B4GALNT3: variants seen among roughly 807,000 people sequenced by gnomAD.
B4GALNT3 encodes the protein beta-1,4-N-acetyl-galactosaminyltransferase 3.
B4GALNT3 carries 86 observed loss-of-function variants against 120.2 expected under a neutral mutation model. The ratio of observed to expected loss-of-function variants is 0.72; its 90% confidence interval spans 0.60 to 0.86. The LOEUF (loss-of-function observed/expected upper bound fraction) is 0.86. B4GALNT3 is among the 40% of genes least tolerant of loss of function. The pLI is 0.00. For synonymous variants in B4GALNT3, 518 were observed against 510.4 expected, an observed-to-expected ratio of 1.01 and a Z score of -0.20; for missense variants, 1,167 against 1,298.9, an observed-to-expected ratio of 0.90 and a Z score of 1.56.
intron 1 of B4GALNT3, among the ~76,000 whole-genome samples, chr12:510,604 G>A (rs1471114647): frequency 6.7e-6 from 1 of 149,926 alleles, no homozygotes; most frequent in African/African-American, 2.5e-5. Flanking sequence ...ATAAGTAAAC[G>A]GTCTGGGTAC....
At chr12:519,081 T>C (rs952145959) in intron 1 of B4GALNT3, among the ~76,000 whole-genome samples, 3 of 152,218 alleles carry the variant, frequency 2.0e-5, no homozygotes, top group Admixed American at 6.5e-5. Flanking sequence ...AAAATAAATG[T>C]CAGACTGTGC....
chr12:469,824 A>T (rs1271480058), intron 1 of B4GALNT3, among the ~76,000 whole-genome samples: 2 of 152,012 alleles, frequency 1.3e-5, no homozygotes, highest in African/African-American at 2.4e-5. Flanking sequence ...TTTTTAAAAA[A>T]TTTTGTTTTT....
intron 1 of B4GALNT3, among the ~76,000 whole-genome samples, chr12:525,054 G>A (rs892087245): frequency 4.0e-5 from 6 of 151,784 alleles, no homozygotes; most frequent in Non-Finnish European, 7.4e-5. Context: ...TGTAGTCAGC[G>A]TACAAGTCTA....
chr12:553,838 A>C lies in B4GALNT3; in HGVS notation c.1915A>C (p.Ser639Arg). The change falls in exon 14 of 20, where the codon AGT becomes CGT. Residue 639 changes from serine (S) to arginine (R), a missense_variant. Ser to Arg is a moderately radical substitution (Grantham distance 110). This residue lies in a region of B4GALNT3 where 983 missense variants were observed against 1,102.5 expected (regional missense o/e 0.89). Transcript: ENST00000266383. ...GGTAGTAAACTGGGACCAGACCTTC[A>C]GTGCCCGGAATCTCGACTTCCAAGC... The part of the protein sequence containing the change: ...DPVVNWDQTF[S>R]ARNLDFQALR... The C allele has an allele frequency of 6.2e-7, 1 of 1,614,246 alleles. No individual in the cohort carries two copies. Among genetic ancestry groups the C allele is most frequent in the South Asian group, 1.1e-5 (1 of 91,084 alleles).
chr12:468,874 T>G (rs1211384016), intron 1 of B4GALNT3, among the ~76,000 whole-genome samples: 1 of 152,188 alleles, frequency 6.6e-6, no homozygotes, highest in Non-Finnish European at 1.5e-5. Context: ...CACATTCTGC[T>G]TTGTGGCCAC....
intron 1 of B4GALNT3, among the ~76,000 whole-genome samples, chr12:512,697 A>ACCTTCCG (rs1162341386): frequency 6.5e-4 from 41 of 62,726 alleles, no homozygotes; most frequent in African/African-American, 2.7e-3. Flanking sequence ...TCTTCCTTCC[A>ACCTTCCG]CCTTCCGCCT....
intron 1 of B4GALNT3, among the ~76,000 whole-genome samples, chr12:480,870 A>G (rs1169051325): frequency 6.6e-6 from 1 of 152,208 alleles, no homozygotes; most frequent in African/African-American, 2.4e-5. Flanking sequence ...GACCGTGGTC[A>G]TCTTTGTCAC....
At chr12:505,705 C>A (rs530044379) in intron 1 of B4GALNT3, among the ~76,000 whole-genome samples, 38 of 152,252 alleles carry the variant, frequency 2.5e-4, no homozygotes, top group Non-Finnish European at 4.0e-4. Flanking sequence ...GTCCTGAAGA[C>A]CCTTGTTTCA....
intron 3 of B4GALNT3, 54 bp from the exon 4 acceptor site, chr12:544,285 G>C (rs1946963246): frequency 1.3e-6 from 2 of 1,548,128 alleles, no homozygotes; most frequent in East Asian, 4.5e-5. Flanking sequence ...CTGAGGATCT[G>C]GGGCGGGCAT....
chr12:552,318 C>T (rs1286936221), intron 12 of B4GALNT3, 149 bp from the exon 13 acceptor site: 2 of 836,404 alleles, frequency 2.4e-6, no homozygotes, highest in Non-Finnish European at 4.0e-6. Context: ...CACACACACA[C>T]ACACACACAC....
At chr12:543,392 G>C (rs1321064106) in intron 3 of B4GALNT3, among the ~76,000 whole-genome samples, 1 of 146,676 alleles carries the variant, frequency 6.8e-6, no homozygotes, top group African/African-American at 2.5e-5. Context: ...TCCTCCTGGA[G>C]CTGAGGAGCT....
At chr12:481,250 G>T (rs2120473116) in intron 1 of B4GALNT3, among the ~76,000 whole-genome samples, 1 of 152,348 alleles carries the variant, frequency 6.6e-6, no homozygotes, top group Non-Finnish European at 1.5e-5. Context: ...AAGGGGATGA[G>T]CATCCCCGTG....
intron 3 of B4GALNT3, among the ~76,000 whole-genome samples, 185 bp from the exon 4 acceptor site, chr12:544,154 G>C (rs1480809053): frequency 1.5e-5 from 2 of 135,934 alleles, no homozygotes; most frequent in African/African-American, 5.3e-5. Flanking sequence ...TGGAGCTGAG[G>C]ATCTGGGGCG....
chr12:531,953 C>A (rs2120653350), intron 1 of B4GALNT3, among the ~76,000 whole-genome samples: 1 of 140,270 alleles, frequency 7.1e-6, no homozygotes, highest in South Asian at 2.3e-4. Flanking sequence ...ACAATTAGAT[C>A]TTTATTTTTT....
Position 460,925 on chromosome 12 carries a change from C to T in B4GALNT3, c.169+380C>T, listed in dbSNP as rs1005483979. On this transcript the variant is annotated intron_variant, in intron 1 of 19. Transcript: ENST00000266383. The surrounding 1 kb of genome is among the most constrained non-coding windows in gnomAD (Gnocchi z 8.0). ...GGGGAGGAGGTCCGTGGGGTCCACG[C>T]GCGAGCTAGGGATTCGGGTGCGGGA... Among the ~76,000 whole-genome samples, 6 of 152,258 alleles carry T rather than the reference C, an allele frequency of 3.9e-5. No homozygotes were observed. The highest frequency in any genetic ancestry group is 1.4e-4 in the African/African-American group (6 of 41,562).
chr12:491,109 C>T (rs1946336159), intron 1 of B4GALNT3, among the ~76,000 whole-genome samples: 1 of 152,112 alleles, frequency 6.6e-6, no homozygotes. Context: ...CTCTTATGAA[C>T]ATAGATGCAA....
At position 460,543 on chromosome 12, in the gene B4GALNT3, G is replaced by T; in HGVS notation, c.167G>T (p.Arg56Leu). The T allele has an allele frequency of 6.7e-7, 1 of 1,496,386 alleles. No homozygotes were observed. The highest frequency in any genetic ancestry group is 9.0e-7 in the Non-Finnish European group (1 of 1,115,648). 92.7% of individuals were successfully genotyped at this position (1,496,386 alleles called of 1,614,324 possible). Residue 56 changes from arginine to leucine, a missense_variant and splice_region_variant, in exon 1 of 20, where the codon CGG (arginine) becomes CTG (leucine). By Grantham distance (102) the Arg-to-Leu change is moderately radical (BLOSUM62 -2). This residue lies in a region of B4GALNT3 where 171 missense variants were observed against 161.3 expected (regional missense o/e 1.06). Coordinates refer to ENST00000266383, the MANE Select transcript of B4GALNT3 (RefSeq NM_173593.4). This position sits in a 1 kb window ranked among gnomAD's most constrained non-coding sequence, Gnocchi z 8.0. The part of the protein sequence containing the change: ...SAQVGGNPLN[R>L]RYGSWRELAK... ...CAGGTCGGCGGGAACCCCCTGAACCGGAGTAAGTAGCACCCAGGGGAGGCG... is the reference window on the plus strand; with the variant it reads ...CAGGTCGGCGGGAACCCCCTGAACCTGAGTAAGTAGCACCCAGGGGAGGCG...
chr12:521,421 G>A (rs879843123), intron 1 of B4GALNT3, among the ~76,000 whole-genome samples: 1 of 152,162 alleles, frequency 6.6e-6, no homozygotes. Flanking sequence ...CGTGGTTCCT[G>A]GCCTTTCCGG....
At chr12:475,129 A>G (rs1051722193) in intron 1 of B4GALNT3, among the ~76,000 whole-genome samples, 2 of 152,056 alleles carry the variant, frequency 1.3e-5, no homozygotes, top group African/African-American at 4.8e-5. Flanking sequence ...AAAGAAAAGA[A>G]GAGAAGAGAG....
Sources: allele counts gnomAD v4.1 joint callset (sites outside exome capture counted in the v4.1 genomes callset), GRCh38; gene constraint gnomAD v4.1.1; regional missense constraint gnomAD v4.1.1; non-coding constraint Gnocchi (gnomAD v3.1); transcripts MANE v1.5; gene names NCBI Gene and HGNC (gene_info 2026-07-23, HGNC 2026-07-21).